The following THSD4 variants were observed in gnomAD, a reference collection of about 807,000 sequenced individuals.
THSD4 encodes thrombospondin type-1 domain-containing protein 4.
THSD4 carries 69 observed loss-of-function variants against 119.0 expected under a neutral mutation model. The observed-to-expected ratio is 0.58, with a 90% confidence interval of 0.48 to 0.71. The LOEUF (loss-of-function observed/expected upper bound fraction) is 0.71, where lower values mean the gene tolerates loss of function less well. THSD4 is among the 30% of genes least tolerant of loss of function. THSD4 has a pLI of 0.00. For missense variants in THSD4, 1,393 were observed against 1,391.1 expected (o/e 1.00, Z -0.02); for synonymous variants, 524 against 540.4 (o/e 0.97, Z 0.42).
chr15:71,603,451 C>T (rs2050051231), intron 7 of THSD4, among the ~76,000 whole-genome samples: 1 of 152,180 alleles, frequency 6.6e-6, no homozygotes, highest in African/African-American at 2.4e-5. Context: ...CTCCAGGGAC[C>T]CTCCCCTTTA....
intron 7 of THSD4, among the ~76,000 whole-genome samples, chr15:71,536,543 T>C (rs1343402990): frequency 6.6e-6 from 1 of 152,236 alleles, no homozygotes; most frequent in Admixed American, 6.5e-5. Context: ...CGTGGACATC[T>C]TGGTGGAGAC....
intron 7 of THSD4, among the ~76,000 whole-genome samples, chr15:71,527,346 T>C (rs2048537195): frequency 6.6e-6 from 1 of 152,188 alleles, no homozygotes; most frequent in South Asian, 2.1e-4. Context: ...ACACAAACTC[T>C]TCTCTGATGA....
At chr15:71,490,695 C>T (rs1219191231) in intron 7 of THSD4, among the ~76,000 whole-genome samples, 1 of 152,086 alleles carries the variant, frequency 6.6e-6, no homozygotes, top group Non-Finnish European at 1.5e-5. Context: ...CACCACTGCA[C>T]TCCAGCCTGG....
At chr15:71,540,072 G>A (rs1214820545) in intron 7 of THSD4, among the ~76,000 whole-genome samples, 1 of 151,826 alleles carries the variant, frequency 6.6e-6, no homozygotes, top group African/African-American at 2.4e-5. Context: ...GAGCAAGGAG[G>A]ACTTGTGCAT....
chr15:71,441,177 T>A (rs913012384), intron 7 of THSD4, among the ~76,000 whole-genome samples: 2 of 152,152 alleles, frequency 1.3e-5, no homozygotes, highest in African/African-American at 4.8e-5. Context: ...GAATAATAAA[T>A]AGCAGTGCTG....
At chr15:71,616,695 G>A (rs1046376656) in intron 7 of THSD4, among the ~76,000 whole-genome samples, 2 of 152,182 alleles carry the variant, frequency 1.3e-5, no homozygotes, top group African/African-American at 2.4e-5. Flanking sequence ...GCACCCAGAC[G>A]CAAAGAGCTC....
intron 7 of THSD4, among the ~76,000 whole-genome samples, chr15:71,515,465 G>C (rs762752471): frequency 3.7e-4 from 56 of 152,304 alleles, no homozygotes; most frequent in South Asian, 6.2e-4. Flanking sequence ...CCGCGTCCTT[G>C]TCTGTAGTTG....
At chr15:71,272,396 CAAAAAAAAAAAA>C (rs61293620) in intron 6 of THSD4, among the ~76,000 whole-genome samples, 3 of 55,562 alleles carry the variant, frequency 5.4e-5, no homozygotes, top group African/African-American at 2.3e-4. Flanking sequence ...GACTCTGTCT[CAAAAAAAAAAAA>C]AAAAAAAAAA....
At chr15:71,671,050 G>A (rs1426197804) in intron 8 of THSD4, among the ~76,000 whole-genome samples, 1 of 152,168 alleles carries the variant, frequency 6.6e-6, no homozygotes, top group Non-Finnish European at 1.5e-5. Context: ...GATCCTTGAG[G>A]AATTGCCACA....
At chr15:71,557,736 A>G (rs184942464) in intron 7 of THSD4, among the ~76,000 whole-genome samples, 109 of 152,250 alleles carry the variant, frequency 7.2e-4, no homozygotes, top group Admixed American at 7.1e-3. Context: ...CATTTCATCT[A>G]CGTTTTCCAG....
intron 7 of THSD4, 110 bp from the exon 8 acceptor site, chr15:71,660,420 A>G (rs1389251073): frequency 1.2e-5 from 16 of 1,346,626 alleles, no homozygotes; most frequent in Non-Finnish European, 1.6e-5. Flanking sequence ...TAGAATATAC[A>G]TTTCGTAAAT....
intron 7 of THSD4, among the ~76,000 whole-genome samples, chr15:71,482,673 C>T (rs1490234691): frequency 6.6e-6 from 1 of 151,934 alleles, no homozygotes; most frequent in Non-Finnish European, 1.5e-5. Flanking sequence ...GCAACCTCCA[C>T]CTCCCAAGTT....
intron 6 of THSD4, among the ~76,000 whole-genome samples, chr15:71,270,941 A>T (rs2044521699): frequency 6.6e-6 from 1 of 151,962 alleles, no homozygotes; most frequent in African/African-American, 2.4e-5. Flanking sequence ...TGTTCTGTAG[A>T]TGTGAGGATG....
chr15:71,154,225 C>T (rs905457002), intron 2 of THSD4, among the ~76,000 whole-genome samples: 2 of 152,218 alleles, frequency 1.3e-5, no homozygotes, highest in African/African-American at 4.8e-5. Context: ...TCCAGCACAC[C>T]CTGCTGTCTC....
chr15:71,235,434 G>T (rs957712138), intron 4 of THSD4, among the ~76,000 whole-genome samples: 2 of 152,124 alleles, frequency 1.3e-5, no homozygotes, highest in African/African-American at 4.8e-5. Context: ...CTAGTACGGG[G>T]ACTTAGATTC....
At chr15:71,735,475 T>A (rs1005253001) in intron 10 of THSD4, among the ~76,000 whole-genome samples, 2 of 152,038 alleles carry the variant, frequency 1.3e-5, no homozygotes, top group Non-Finnish European at 2.9e-5. Context: ...TCTCTCTTTC[T>A]CACTAGCTCT....
In THSD4 at chr15:71,717,489, G is replaced by A. The variant is rs555489840; in HGVS notation, c.1358-11060G>A. Among the ~76,000 whole-genome samples, 14 of 152,016 alleles carry A rather than the reference G, an allele frequency of 9.2e-5. No homozygotes were observed. The South Asian group carries it at 2.3e-3, about 25-fold the overall frequency. ...AAGGGAAAAATAAGACAAGACAGGT[G>A]GACCTTATACAACAAAATTGCCACA... On this transcript the variant is annotated intron_variant, in intron 8 of 17. Transcript: ENST00000261862.
At chr15:71,415,472 TATA>T (rs1198263621) in intron 7 of THSD4, among the ~76,000 whole-genome samples, 1 of 152,242 alleles carries the variant, frequency 6.6e-6, no homozygotes, top group African/African-American at 2.4e-5. Flanking sequence ...GCAAACAATA[TATA>T]ATAATCACAT....
chr15:71,248,158 T>C (rs1229418997), intron 5 of THSD4, among the ~76,000 whole-genome samples: 1 of 152,166 alleles, frequency 6.6e-6, no homozygotes, highest in Non-Finnish European at 1.5e-5. Flanking sequence ...TATGTGCCTC[T>C]GGTCCCAGTT....
Sources: allele counts gnomAD v4.1 joint callset (sites outside exome capture counted in the v4.1 genomes callset), GRCh38; gene constraint gnomAD v4.1.1; transcripts MANE v1.5; gene names NCBI Gene and HGNC (gene_info 2026-07-23, HGNC 2026-07-21).